RMDN2: variants seen among roughly 807,000 people sequenced by gnomAD.
RMDN2 encodes the protein regulator of microtubule dynamics protein 2.
In RMDN2, 61 loss-of-function variants were observed where a neutral mutation model predicts 52.8. That is an observed-to-expected ratio of 1.16 (90% CI 0.94 to 1.43). RMDN2 has a LOEUF of 1.43. RMDN2 is among the 40% of genes most tolerant of loss of function. The probability of loss-of-function intolerance (pLI) is 0.00; values close to 1 mark genes in which losing one functional copy is unlikely to be tolerated. For missense variants in RMDN2, 592 were observed against 475.3 expected, an observed-to-expected ratio of 1.25 and a Z score of -2.28; for synonymous variants, 180 against 153.1, an observed-to-expected ratio of 1.18 and a Z score of -1.30.
At chr2:38,003,578 A>AGATAGATAGATAGATAGATAGATAGATG (rs1558537067) in intron 8 of RMDN2, among the ~76,000 whole-genome samples, 52 of 151,752 alleles carry the variant, frequency 3.4e-4, no homozygotes, top group African/African-American at 1.2e-3. Flanking sequence ...ATAGATAGAT[A>AGATAGATAGATAGATAGATAGATAGATG]GATAGATAGA....
chr2:37,989,893 C>T (rs1572964640), intron 6 of RMDN2, among the ~76,000 whole-genome samples: 1 of 152,114 alleles, frequency 6.6e-6, no homozygotes, highest in Non-Finnish European at 1.5e-5. Flanking sequence ...CCTGTAATCC[C>T]AGCACTTTGG....
chr2:37,994,375 C>G (rs1419081597), intron 7 of RMDN2, among the ~76,000 whole-genome samples: 1 of 152,208 alleles, frequency 6.6e-6, no homozygotes, highest in Non-Finnish European at 1.5e-5. Flanking sequence ...TTCAGAAGGA[C>G]TTAACAGAGC....
At chr2:38,001,868 T>C (rs1451062404) in intron 8 of RMDN2, among the ~76,000 whole-genome samples, 2 of 152,144 alleles carry the variant, frequency 1.3e-5, no homozygotes, top group Admixed American at 6.5e-5. Context: ...AATCCATTGA[T>C]TAAGAGAGAA....
rs534339746 is a variant in RMDN2 at position 37,940,681 on chromosome 2, T to C, written c.452+10952T>C. On this transcript the variant is annotated intron_variant, in intron 2 of 10. Transcript: ENST00000354545. ...TTCTTCCACTTGATCAATTTGGCTATTGATACTTGTGTATGCTTCACAAAG... is the reference window on the plus strand; with the variant it reads ...TTCTTCCACTTGATCAATTTGGCTACTGATACTTGTGTATGCTTCACAAAG... Among the ~76,000 whole-genome samples, 6 of 152,326 alleles carry C rather than the reference T, an allele frequency of 3.9e-5. No homozygotes were observed. The East Asian group carries it at 1.2e-3, about 29-fold the overall frequency.
At chr2:37,997,324 A>T (rs771598210) in intron 7 of RMDN2, 92 bp from the exon 8 acceptor site, 18 of 798,288 alleles carry the variant, frequency 2.3e-5, no homozygotes, top group Non-Finnish European at 3.6e-5. Context: ...ACACACGTAT[A>T]TACACATAAC....
At chr2:37,936,892 G>A (rs1164884948) in intron 2 of RMDN2, among the ~76,000 whole-genome samples, 1 of 152,156 alleles carries the variant, frequency 6.6e-6, no homozygotes, top group African/African-American at 2.4e-5. Flanking sequence ...GAGCTCTCTA[G>A]TTTAATTAGA....
At chr2:37,932,060 A>T (rs528369145) in intron 2 of RMDN2, among the ~76,000 whole-genome samples, 1 of 151,878 alleles carries the variant, frequency 6.6e-6, no homozygotes, top group East Asian at 2.0e-4. Flanking sequence ...TTATTTATTT[A>T]TTTTATTTAT....
chr2:38,045,303 G>T (rs983772985), intron 10 of RMDN2, among the ~76,000 whole-genome samples: 1 of 152,112 alleles, frequency 6.6e-6, no homozygotes, highest in Non-Finnish European at 1.5e-5. Context: ...AACCAGTTTT[G>T]CATTTCTATG....
chr2:38,054,008 T>C (rs529411076), intron 10 of RMDN2, among the ~76,000 whole-genome samples: 8 of 152,232 alleles, frequency 5.3e-5, no homozygotes, highest in East Asian at 1.9e-4. Flanking sequence ...AGGAGTTTTA[T>C]TGATTAATTT....
chr2:38,023,604 A>G (rs1679552022), intron 10 of RMDN2, among the ~76,000 whole-genome samples: 1 of 152,108 alleles, frequency 6.6e-6, no homozygotes, highest in Non-Finnish European at 1.5e-5. Context: ...AGGTTTGGTT[A>G]TGGACTTTGT....
At chr2:38,002,313 T>G (rs1323139202) in intron 8 of RMDN2, among the ~76,000 whole-genome samples, 1 of 152,194 alleles carries the variant, frequency 6.6e-6, no homozygotes, top group Non-Finnish European at 1.5e-5. Context: ...GGAAAAAGTA[T>G]GTTAATTGGT....
chr2:38,053,383 C>G (rs1476440037), intron 10 of RMDN2, among the ~76,000 whole-genome samples: 2 of 152,142 alleles, frequency 1.3e-5, no homozygotes, highest in Non-Finnish European at 2.9e-5. Flanking sequence ...GTGGGAATGT[C>G]AAACACACAC....
intron 10 of RMDN2, among the ~76,000 whole-genome samples, chr2:38,038,917 G>A (rs1312932501): frequency 6.6e-6 from 1 of 152,012 alleles, no homozygotes; most frequent in African/African-American, 2.4e-5. Context: ...CAGGCTGGTG[G>A]TTCCCATAGA....
At chr2:38,030,056 C>T (rs1474583850) in intron 10 of RMDN2, 3 of 152,154 alleles carry the variant, frequency 2.0e-5, no homozygotes, top group Non-Finnish European at 4.4e-5. Flanking sequence ...TTACCTCCCA[C>T]CAGGTCCCTC....
At chr2:37,950,313 C>A (rs905395881) in intron 2 of RMDN2, 3 of 731,894 alleles carry the variant, frequency 4.1e-6, no homozygotes, top group East Asian at 3.0e-5. Flanking sequence ...TGGATGACTC[C>A]TCCAACAGTG....
intron 10 of RMDN2, among the ~76,000 whole-genome samples, chr2:38,015,059 G>A (rs1479930463): frequency 2.0e-5 from 3 of 152,196 alleles, no homozygotes; most frequent in Admixed American, 6.5e-5. Context: ...ACAGTAGAGG[G>A]CTCATTAAAA....
intron 10 of RMDN2, among the ~76,000 whole-genome samples, chr2:38,051,321 T>C (rs1437514875): frequency 6.6e-6 from 1 of 152,186 alleles, no homozygotes. Context: ...CACTGGTGAA[T>C]GGTGATAGAA....
chr2:37,943,963 A>G (rs533421045), intron 2 of RMDN2, among the ~76,000 whole-genome samples: 11 of 152,286 alleles, frequency 7.2e-5, no homozygotes, highest in African/African-American at 2.2e-4. Flanking sequence ...CAACAGGTGA[A>G]GTGTATAAGG....
At chr2:37,922,263 T>G (rs536154172), upstream of RMDN2, among the ~76,000 whole-genome samples, 1 of 152,216 alleles carries the variant, frequency 6.6e-6, no homozygotes, top group South Asian at 2.1e-4. Flanking sequence ...GTTTACAAAT[T>G]AAGAAATTCA....
Sources: gnomAD v4.1 joint callset for allele counts (sites outside exome capture counted in the v4.1 genomes callset) on GRCh38, gnomAD v4.1.1 for gene constraint, MANE v1.5 for transcripts, NCBI Gene and HGNC (gene_info 2026-07-23, HGNC 2026-07-21) for gene names.